The following CDH13 variants were observed in gnomAD, a reference collection of about 807,000 sequenced individuals.
CDH13 encodes cadherin 13.
In CDH13, 24 loss-of-function variants were observed where a neutral mutation model predicts 63.8. The observed-to-expected ratio is 0.38, with a 90% CI of 0.27 to 0.53. CDH13 has a LOEUF of 0.53. Among genes scored for constraint, CDH13 ranks in the 20% least tolerant of loss-of-function variants. CDH13 has a pLI of 0.85. For synonymous variants in CDH13, 503 were observed against 355.3 expected (o/e 1.42, Z -4.67); for missense variants, 1,049 against 903.1 (o/e 1.16, Z -2.07).
At chr16:83,631,159 G>A (rs763352969) in intron 8 of CDH13, among the ~76,000 whole-genome samples, 4 of 152,162 alleles carry the variant, frequency 2.6e-5, no homozygotes, top group Admixed American at 6.5e-5. Flanking sequence ...GTCAACGAGC[G>A]CAAGTTGTAA....
At chr16:82,944,110 T>C (rs558586792) in intron 2 of CDH13, among the ~76,000 whole-genome samples, 2 of 152,318 alleles carry the variant, frequency 1.3e-5, no homozygotes, top group South Asian at 4.1e-4. Context: ...ATTATGTAAT[T>C]CATTACTGTC....
intron 6 of CDH13, among the ~76,000 whole-genome samples, chr16:83,376,495 G>A (rs150922058): frequency 1.1e-4 from 16 of 152,290 alleles, no homozygotes; most frequent in African/African-American, 3.9e-4. Context: ...ATGTCAAAGT[G>A]ACAGCTCTTG....
At chr16:82,774,019 G>A (rs1045690927) in intron 1 of CDH13, among the ~76,000 whole-genome samples, 1 of 151,966 alleles carries the variant, frequency 6.6e-6, no homozygotes, top group Non-Finnish European at 1.5e-5. Flanking sequence ...TCCTGACCTC[G>A]TGATCCACCT....
chr16:83,000,885 C>T (rs187718855), intron 2 of CDH13, among the ~76,000 whole-genome samples: 3 of 152,286 alleles, frequency 2.0e-5, no homozygotes, highest in African/African-American at 7.2e-5. Context: ...GGCCATTTAT[C>T]TGTTAAGGAC....
chr16:83,055,405 A>G (rs35294229), intron 3 of CDH13, among the ~76,000 whole-genome samples: 6,921 of 151,998 alleles, frequency 0.046, 216 homozygotes, highest in Middle Eastern at 0.075. Context: ...AAAAGACACT[A>G]TGGCTAATTA....
chr16:82,663,783 TG>T (rs1176662723), intron 1 of CDH13, among the ~76,000 whole-genome samples: 3 of 152,204 alleles, frequency 2.0e-5, no homozygotes, highest in African/African-American at 7.2e-5. Context: ...AAGGTGGGGT[TG>T]GGGGTGATCT....
At chr16:83,465,223 G>T (rs2073278881) in intron 6 of CDH13, among the ~76,000 whole-genome samples, 1 of 152,340 alleles carries the variant, frequency 6.6e-6, no homozygotes, top group Admixed American at 6.5e-5. Context: ...GGAGCTGACA[G>T]CCTGTTAGAG....
chr16:83,436,706 C>A (rs2072316646), intron 6 of CDH13, among the ~76,000 whole-genome samples: 2 of 152,186 alleles, frequency 1.3e-5, no homozygotes, highest in African/African-American at 4.8e-5. Context: ...TCCCAGTTTT[C>A]TGATAGTAAA....
intron 6 of CDH13, among the ~76,000 whole-genome samples, chr16:83,457,410 C>T (rs1023106161): frequency 4.6e-5 from 7 of 152,132 alleles, no homozygotes; most frequent in African/African-American, 1.7e-4. Flanking sequence ...ATCTATTCTG[C>T]CTTGCCATCA....
rs550059329 is a variant in CDH13 at position 83,100,861 on chromosome 16, G to A, written c.367-24524G>A. Among the ~76,000 whole-genome samples, 7 of 152,248 alleles carry A rather than the reference G, an allele frequency of 4.6e-5. No individual in the cohort carries two copies. In the East Asian group the frequency reaches 1.4e-3, roughly 29 times the overall value. On this transcript the variant is annotated intron_variant, in intron 3 of 13. Coordinates refer to ENST00000567109, the MANE Select transcript of CDH13 (RefSeq NM_001257.5). ...TCAGCCACTTCCTGCAGGGACTTTT[G>A]TACAGCGTACAACCTTTACCACCAT...
intron 2 of CDH13, among the ~76,000 whole-genome samples, chr16:82,980,019 A>G (rs533189441): frequency 1.3e-5 from 2 of 152,328 alleles, no homozygotes; most frequent in African/African-American, 4.8e-5. Flanking sequence ...GGGGCAGTTT[A>G]TAAATGCATA....
intron 2 of CDH13, among the ~76,000 whole-genome samples, chr16:82,969,276 A>C (rs921958174): frequency 6.6e-6 from 1 of 152,082 alleles, no homozygotes; most frequent in Non-Finnish European, 1.5e-5. Context: ...CTGTATATCT[A>C]ATGGCCCTAT....
At chr16:83,555,917 A>C (rs1465813997) in intron 7 of CDH13, among the ~76,000 whole-genome samples, 1 of 152,142 alleles carries the variant, frequency 6.6e-6, no homozygotes, top group South Asian at 2.1e-4. Flanking sequence ...ATGCTTTTTC[A>C]ATGGGAAATA....
intron 1 of CDH13, among the ~76,000 whole-genome samples, chr16:82,843,396 T>C (rs1254416764): frequency 6.6e-6 from 1 of 152,210 alleles, no homozygotes; most frequent in Non-Finnish European, 1.5e-5. Context: ...TGGGGAAACA[T>C]CTTAACTGTC....
intron 5 of CDH13, among the ~76,000 whole-genome samples, chr16:83,307,105 T>C (rs900313385): frequency 1.3e-5 from 2 of 152,150 alleles, no homozygotes; most frequent in East Asian, 3.9e-4. Flanking sequence ...GAAAAACTTG[T>C]GGTAACAACA....
At chr16:82,976,935 A>G (rs191926032) in intron 2 of CDH13, among the ~76,000 whole-genome samples, 10 of 152,160 alleles carry the variant, frequency 6.6e-5, no homozygotes, top group Non-Finnish European at 1.3e-4. Flanking sequence ...TGTTCTGAGG[A>G]GAGGGCCTGG....
rs557654845 is a variant in CDH13, at chr16:82,927,500, G to A, written c.157+69027G>A. ...GAGTAGAGGCTGCGGGTATTTAGAAGACCCAAAACAGATGTTAAATGTTCA... is the reference window on the plus strand; with the variant it reads ...GAGTAGAGGCTGCGGGTATTTAGAAAACCCAAAACAGATGTTAAATGTTCA... On this transcript the variant is annotated intron_variant, in intron 2 of 13. Coordinates refer to ENST00000567109, the MANE Select transcript of CDH13 (RefSeq NM_001257.5). Among the ~76,000 whole-genome samples the A allele has an allele frequency of 2.8e-4, 43 of 152,290 alleles. No individual in the cohort carries two copies. The South Asian group carries it at 4.6e-3, about 16-fold the overall frequency.
chr16:83,647,555 A>C (rs893470200), intron 8 of CDH13, among the ~76,000 whole-genome samples: 5 of 152,104 alleles, frequency 3.3e-5, no homozygotes, highest in Non-Finnish European at 7.4e-5. Flanking sequence ...TGTTGAACTG[A>C]GTTACTTATG....
At chr16:82,627,235 C>T (rs1907394179) in intron 1 of CDH13, 98 bp downstream of exon 1, 2 of 1,059,312 alleles carry the variant, frequency 1.9e-6, no homozygotes, top group Non-Finnish European at 2.9e-6. Flanking sequence ...GGGTCGGGGC[C>T]TCCGGTCGCG....
Sources: gnomAD v4.1 joint callset for allele counts (sites outside exome capture counted in the v4.1 genomes callset) on GRCh38, gnomAD v4.1.1 for gene constraint, MANE v1.5 for transcripts, NCBI Gene and HGNC (gene_info 2026-07-23, HGNC 2026-07-21) for gene names.